CSN2: variants seen among roughly 807,000 people sequenced by gnomAD.
The protein encoded by CSN2 is casein beta.
A neutral mutation model predicts 27.3 loss-of-function variants in CSN2; 27 were observed. That is an observed-to-expected ratio of 0.99 (90% CI 0.73 to 1.36). CSN2 has a LOEUF of 1.36. Ranked by LOEUF, CSN2 falls within the 40% of genes most tolerant of loss-of-function variation. The pLI, the probability that CSN2 is intolerant of heterozygous loss-of-function variation, is 0.00. For synonymous variants in CSN2, 131 were observed against 94.8 expected (o/e 1.38, Z -2.22); for missense variants, 333 against 264.5 (o/e 1.26, Z -1.80).
Position 69,955,301 on chromosome 4 carries a change from T to C in CSN2, c.*328A>G, listed in dbSNP as rs1203108766. ...TGAAATGACTGGAAAGGAAATAGAT[T>C]CTTAAAGAAATAAAAATAAGCACAA... On this transcript the variant is annotated 3_prime_UTR_variant, in exon 8 of 8. Coordinates refer to ENST00000353151, the MANE Select transcript of CSN2 (RefSeq NM_001891.4). 6.6e-6 allele frequency: 1 copy of C among 152,436 alleles called. No homozygotes were observed. Among genetic ancestry groups the C allele is most frequent in the African/African-American group, 2.4e-5 (1 of 41,434 alleles). The allele number at this position is 152,436 out of a possible 1,614,324, so 9.4% of individuals were successfully genotyped here.
chr4:69,959,144 G>T, intron 3 of CSN2, 75 bp from the exon 4 acceptor site: 1 of 1,070,078 alleles, frequency 9.3e-7, no homozygotes, highest in South Asian at 1.7e-5. Context: ...AGGAAATAAA[G>T]GCATTAATTC....
At chr4:69,961,813 T>G (rs1316290085) in intron 1 of CSN2, among the ~76,000 whole-genome samples, 1 of 152,250 alleles carries the variant, frequency 6.6e-6, no homozygotes, top group Non-Finnish European at 1.5e-5. Context: ...GCAGATGACA[T>G]GACTGTGTAT....
At chr4:69,956,174 A>G in intron 7 of CSN2, 140 bp downstream of exon 7, 2 of 428,022 alleles carry the variant, frequency 4.7e-6, no homozygotes, top group Non-Finnish European at 7.7e-6. Context: ...ATGATAGTCA[A>G]CCATTAAATT....
rs1436814953 is a variant in CSN2, at chr4:69,959,062, A to G, written c.86T>C (p.Ile29Thr). ...IESLSSSEES[I>T]TEYKQKVEKV... ...GTGAAAATTTACCTTGTATTCTGTA[A>G]TAGATTCCTACAGAAAAATATAAAA... Residue 29 changes from isoleucine (I) to threonine (T), a missense_variant, in exon 4 of 8, where the codon ATT becomes ACT. Transcript: ENST00000353151. The G allele has an allele frequency of 1.5e-6, 2 of 1,373,048 alleles. No individual in the cohort carries two copies. The highest frequency in any genetic ancestry group is 2.9e-5 in the African/African-American group (2 of 68,202). 85.1% of individuals were successfully genotyped at this position (1,373,048 alleles called of 1,614,324 possible).
intron 1 of CSN2, among the ~76,000 whole-genome samples, chr4:69,963,392 A>T (rs1723673845): frequency 1.3e-5 from 2 of 152,212 alleles, no homozygotes; most frequent in African/African-American, 4.8e-5. Flanking sequence ...TACACCATGG[A>T]ATACTATGCA....
At chr4:69,961,059 T>A (rs1388998963) in intron 1 of CSN2, 52 bp from the exon 2 acceptor site, 2 of 1,301,232 alleles carry the variant, frequency 1.5e-6, no homozygotes, top group East Asian at 2.3e-5. Context: ...TTGGATATAC[T>A]TTCTTATGTA....
At chr4:69,961,314 T>G (rs1723572359) in intron 1 of CSN2, among the ~76,000 whole-genome samples, 1 of 152,068 alleles carries the variant, frequency 6.6e-6, no homozygotes, top group Non-Finnish European at 1.5e-5. Context: ...ATTGAATTTT[T>G]CAAAAGGCAT....
In CSN2 at chr4:69,957,191, C is replaced by T. The variant is rs544853453; in HGVS notation, c.675+83G>A. On this transcript the variant is annotated intron_variant, in intron 6 of 7. Coordinates refer to ENST00000353151, the MANE Select transcript of CSN2 (RefSeq NM_001891.4). ...ACTTATCTAAACTGTTTTTTTAATT[C>T]ATTTACTCTACATTTATTCTTTTAT... 10 of 1,335,156 alleles carry T rather than the reference C, an allele frequency of 7.5e-6. No homozygotes were observed. The African/African-American group carries it at 1.2e-4, about 16-fold the overall frequency. 82.7% of individuals were successfully genotyped at this position (1,335,156 alleles called of 1,614,324 possible).
Position 69,957,686 on chromosome 4 carries a change from G to A in CSN2, c.263C>T (p.Ala88Val). 6.2e-7 allele frequency: 1 copy of A among 1,614,034 alleles called. No individual in the cohort carries two copies. Among genetic ancestry groups the A allele is most frequent in the Non-Finnish European group, 8.5e-7 (1 of 1,179,998 alleles). The change falls in exon 6 of 8, where the codon GCT becomes GTT. Residue 88 changes from alanine (A) to valine (V), a missense_variant. Ala to Val is a moderately conservative substitution (Grantham distance 64). Transcript: ENST00000353151. The part of the protein sequence containing the change: ...PQNILPLAQP[A>V]VVLPVPQPEI... ...AGGCTGAGGGACAGGCAGCACCACA[G>A]CAGGCTGAGCAAGAGGCAGAATGTT...
Position 69,957,520 on chromosome 4 carries a change from C to T in CSN2, c.429G>A (p.Leu143=). 6.2e-7 allele frequency: 1 copy of T among 1,613,760 alleles called. No individual in the cohort carries two copies. Among genetic ancestry groups the T allele is most frequent in the East Asian group, 2.2e-5 (1 of 44,844 alleles). Residue 143 remains leucine, a synonymous_variant, in exon 6 of 8, where the codon CTG becomes CTA. Transcript: ENST00000353151. ...GCTGCATCAAGGGCTGGAGCAGAGG[C>T]AGAGGAAGATGCAGATTTTCAAGAT... ...LTDLENLHLP[L]PLLQPLMQQV...
In CSN2 at chr4:69,957,600, C is replaced by T. The variant is rs1723446152; in HGVS notation, c.349G>A (p.Val117Ile). ...AAGGGTATCGTTGGAGATTTAAGGA[C>T]AGGCATCACTCTGCCCTTAGTGTAG... Reference protein sequence around the residue: ...TVYTKGRVMPVLKSPTIPFFD... With the variant: ...TVYTKGRVMPILKSPTIPFFD... The change falls in exon 6 of 8, where the codon GTC becomes ATC. Residue 117 changes from valine to isoleucine, a missense_variant. Transcript: ENST00000353151. 1 of 1,613,842 alleles carries T rather than the reference C, an allele frequency of 6.2e-7. No homozygotes were observed. Among genetic ancestry groups the T allele is most frequent in the East Asian group, 2.2e-5 (1 of 44,886 alleles).
In CSN2 at chr4:69,957,692, T is replaced by C; in HGVS notation, c.257A>G (p.Gln86Arg). Reference protein sequence around the residue: ...FLPQNILPLAQPAVVLPVPQP... With the variant: ...FLPQNILPLARPAVVLPVPQP... ...AGGGACAGGCAGCACCACAGCAGGCTGAGCAAGAGGCAGAATGTTTTGTGG... is the reference window on the plus strand; with the variant it reads ...AGGGACAGGCAGCACCACAGCAGGCCGAGCAAGAGGCAGAATGTTTTGTGG... Residue 86 changes from glutamine (Q) to arginine (R), a missense_variant, in exon 6 of 8, where the codon CAG (glutamine) becomes CGG (arginine). Coordinates refer to ENST00000353151, the MANE Select transcript of CSN2 (RefSeq NM_001891.4). 3 of 1,614,018 alleles carry C rather than the reference T, an allele frequency of 1.9e-6. No individual in the cohort carries two copies. Among genetic ancestry groups the C allele is most frequent in the Non-Finnish European group, 2.5e-6 (3 of 1,179,984 alleles).
rs1036368260 is a variant in CSN2, at chr4:69,958,087, G to A, written c.145-283C>T. On this transcript the variant is annotated intron_variant, in intron 5 of 7. Coordinates refer to ENST00000353151, the MANE Select transcript of CSN2 (RefSeq NM_001891.4). ...ACTTTTTTTAACATTTTCCTGAATT[G>A]CCTGGATAGCTGTAGCTGTACACTT... Among the ~76,000 whole-genome samples the A allele has an allele frequency of 3.3e-5, 5 of 152,088 alleles. No individual in the cohort carries two copies. In the South Asian group the frequency reaches 1.0e-3, roughly 32 times the overall value.
rs1166931947 is a variant in CSN2 at position 69,960,043 on chromosome 4, G to C, written c.78+10C>G. 5 of 1,610,748 alleles carry C rather than the reference G, an allele frequency of 3.1e-6. No homozygotes were observed. Among genetic ancestry groups the C allele is most frequent in the Non-Finnish European group, 3.4e-6 (4 of 1,177,954 alleles). On this transcript the variant is annotated intron_variant, in intron 3 of 7. Transcript: ENST00000353151. ...TTACTGTTCTAAAATTGGGTAGAAT[G>C]TTAACTTACCTCACTGCTTGAAAGG...
chr4:69,957,228 A>G, intron 6 of CSN2, 46 bp downstream of exon 6: 21 of 1,469,994 alleles, frequency 1.4e-5, no homozygotes, highest in Non-Finnish European at 1.8e-5. Flanking sequence ...CTACCATCAC[A>G]TACACATCTT....
At chr4:69,962,363 A>C (rs947101946) in intron 1 of CSN2, among the ~76,000 whole-genome samples, 1 of 152,210 alleles carries the variant, frequency 6.6e-6, no homozygotes, top group African/African-American at 2.4e-5. Context: ...CCAAAACAGC[A>C]TGGTACTTGG....
chr4:69,957,575 A>G lies in CSN2; in HGVS notation c.374T>C (p.Phe125Ser), dbSNP rs751438548. Residue 125 changes from phenylalanine (F) to serine (S), a missense_variant, in exon 6 of 8, where the codon TTT becomes TCT. Physicochemically the swap from Phe to Ser is radical, Grantham distance 155. Coordinates refer to ENST00000353151, the MANE Select transcript of CSN2 (RefSeq NM_001891.4). ...MPVLKSPTIP[F>S]FDPQIPKLTD... ...GAGTTTTGGGATTTGAGGGTCAAAA[A>G]AGGGTATCGTTGGAGATTTAAGGAC... The G allele has an allele frequency of 6.2e-7, 1 of 1,613,966 alleles. No individual in the cohort carries two copies. The highest frequency in any genetic ancestry group is 2.2e-5 in the East Asian group (1 of 44,882).
At chr4:69,965,408 C>CTATATATATATATATATA (rs756206077) in intron 1 of CSN2, among the ~76,000 whole-genome samples, 2 of 88,104 alleles carry the variant, frequency 2.3e-5, no homozygotes, top group African/African-American at 5.0e-5. Flanking sequence ...TAGCCTCATA[C>CTATATATATATATATATA]TATATATATA....
At chr4:69,965,195 A>G (rs953414472) in intron 1 of CSN2, among the ~76,000 whole-genome samples, 2 of 151,404 alleles carry the variant, frequency 1.3e-5, no homozygotes, top group Non-Finnish European at 3.0e-5. Context: ...CATTTAAAGT[A>G]GTAAATGCCC....
Sources: gnomAD v4.1 joint callset for allele counts (sites outside exome capture counted in the v4.1 genomes callset) on GRCh38, gnomAD v4.1.1 for gene constraint, MANE v1.5 for transcripts, NCBI Gene and HGNC (gene_info 2026-07-23, HGNC 2026-07-21) for gene names.